M1AP: variants seen among roughly 807,000 people sequenced by gnomAD.
M1AP encodes meiosis 1 arrest protein.
M1AP carries 39 observed loss-of-function variants against 51.2 expected under a neutral mutation model. The ratio of observed to expected loss-of-function variants is 0.76; its 90% CI spans 0.59 to 1.00. The LOEUF is 1.00. M1AP is among the 50% of genes least tolerant of loss of function. M1AP has a pLI of 0.00. For missense variants in M1AP, 545 were observed against 641.2 expected, an observed-to-expected ratio of 0.85 and a Z score of 1.62; for synonymous variants, 251 against 249.2, an observed-to-expected ratio of 1.01 and a Z score of -0.07.
At chr2:74,562,023 A>T (rs1417306274) in intron 8 of M1AP, 194 bp downstream of exon 8, 1 of 984,634 alleles carries the variant, frequency 1.0e-6, no homozygotes, top group Non-Finnish European at 1.2e-6. Flanking sequence ...TTCACTCCTT[A>T]CCCTGCTGCC....
At chr2:74,637,269 G>C (rs1683040112) in intron 2 of M1AP, among the ~76,000 whole-genome samples, 1 of 152,028 alleles carries the variant, frequency 6.6e-6, no homozygotes, top group African/African-American at 2.4e-5. Flanking sequence ...AGAAATTGTA[G>C]TTTTCCTCTC....
rs112233517 is a variant in M1AP, at chr2:74,637,192, G to C, written c.240+2844C>G. On this transcript the variant is annotated intron_variant, in intron 2 of 10. Transcript: ENST00000421985. The stretch of plus-strand genomic sequence containing the variant: ...ATAGTTTCTATTCCTATGTCTTCAT[G>C]CTCACTAATCTTTTCTTTTGTAATG... Among the ~76,000 whole-genome samples, 359 of 152,158 alleles carry C rather than the reference G, an allele frequency of 2.4e-3. 1 individual carries two copies. The highest frequency in any genetic ancestry group is 8.5e-3 in the African/African-American group (351 of 41,518).
intron 1 of M1AP, among the ~76,000 whole-genome samples, chr2:74,644,452 C>T (rs1051349970): frequency 1.3e-5 from 2 of 151,634 alleles, no homozygotes; most frequent in African/African-American, 2.4e-5. Flanking sequence ...GCAGGAGAAT[C>T]GCTGGAACCC....
At chr2:74,574,698 C>T (rs1678947492) in intron 7 of M1AP, among the ~76,000 whole-genome samples, 1 of 152,150 alleles carries the variant, frequency 6.6e-6, no homozygotes, top group Non-Finnish European at 1.5e-5. Context: ...ATGATTTGAC[C>T]CCTGCTCACC....
intron 7 of M1AP, among the ~76,000 whole-genome samples, chr2:74,574,149 G>A (rs1573078378): frequency 6.6e-6 from 1 of 152,364 alleles, no homozygotes; most frequent in South Asian, 2.1e-4. Flanking sequence ...ATGCATTGCT[G>A]TGCTGTCCTG....
chr2:74,581,907 T>A, intron 4 of M1AP, 60 bp from the exon 5 acceptor site: 1 of 1,479,362 alleles, frequency 6.8e-7, no homozygotes, highest in Non-Finnish European at 9.3e-7. Context: ...TAATATAAAA[T>A]TTTGAACACA....
chr2:74,619,454 T>C lies in M1AP; in HGVS notation c.241-4305A>G, dbSNP rs148948237. The C allele has an allele frequency of 1.8e-3, 274 of 154,404 alleles. 1 individual carries two copies. The highest frequency in any genetic ancestry group is 0.015 in the South Asian group (74 of 4,920). 9.6% of individuals were successfully genotyped at this position (154,404 alleles called of 1,614,324 possible). A position where few individuals can be genotyped will look rare whatever the true frequency, so the allele number is the denominator to read the frequency against. On this transcript the variant is annotated intron_variant, in intron 2 of 10. Coordinates refer to ENST00000421985, the MANE Select transcript of M1AP (RefSeq NM_001321739.2). ...ATGCTCTGAGGGAGCAGAAGCACTA[T>C]GCTGCTCTTCATGCTCTAAAAGACT...
chr2:74,560,132 G>T lies in M1AP; in HGVS notation c.1422+19C>A. On this transcript the variant is annotated intron_variant, in intron 9 of 10. Transcript: ENST00000421985. ...AGGGAGGGGAAGTAAGGAAGAGGAG[G>T]GAAGGAGGGGAGCGGTACCTTTCTC... 1 of 1,612,642 alleles carries T rather than the reference G, an allele frequency of 6.2e-7. No individual in the cohort carries two copies. Among genetic ancestry groups the T allele is most frequent in the Non-Finnish European group, 8.5e-7 (1 of 1,179,758 alleles).
At chr2:74,570,628 G>A (rs1678676542) in intron 7 of M1AP, among the ~76,000 whole-genome samples, 1 of 152,244 alleles carries the variant, frequency 6.6e-6, no homozygotes, top group Non-Finnish European at 1.5e-5. Flanking sequence ...TTTCAGGATA[G>A]GGTAGGATTT....
chr2:74,589,073 C>A (rs777383139), intron 4 of M1AP, among the ~76,000 whole-genome samples: 1 of 152,124 alleles, frequency 6.6e-6, no homozygotes, highest in East Asian at 1.9e-4. Flanking sequence ...TGCACGCGCG[C>A]GCGTGCATGC....
At chr2:74,562,574 TG>T (rs1281833637) in intron 7 of M1AP, 151 bp from the exon 8 acceptor site, 2 of 701,610 alleles carry the variant, frequency 2.9e-6, no homozygotes, top group Non-Finnish European at 4.8e-6. Context: ...ACTTCCTGCA[TG>T]AATCATCAAT....
chr2:74,641,985 A>G (rs1030889978), intron 1 of M1AP, among the ~76,000 whole-genome samples: 3 of 151,732 alleles, frequency 2.0e-5, no homozygotes, highest in Non-Finnish European at 4.4e-5. Flanking sequence ...AGCTGGGATT[A>G]CAGGCATGTG....
At chr2:74,606,819 T>C (rs139842018) in intron 4 of M1AP, among the ~76,000 whole-genome samples, 36 of 152,228 alleles carry the variant, frequency 2.4e-4, no homozygotes, top group African/African-American at 7.5e-4. Context: ...TCTTTTATCA[T>C]TTAAGAACAC....
chr2:74,622,525 G>A (rs924255224), intron 2 of M1AP, among the ~76,000 whole-genome samples: 4 of 150,020 alleles, frequency 2.7e-5, no homozygotes, highest in South Asian at 4.2e-4. Flanking sequence ...GTGAGCCACC[G>A]CGCCCGGCCA....
intron 4 of M1AP, among the ~76,000 whole-genome samples, chr2:74,588,772 A>G: frequency 6.6e-6 from 1 of 152,238 alleles, no homozygotes; most frequent in East Asian, 1.9e-4. Context: ...AAACATCACC[A>G]TAACTGTAAT....
chr2:74,559,697 C>T lies in M1AP; in HGVS notation c.1434+1G>A. ...TCATCTGTAAATGAGCAAACACTTACCTTGCAGGGATGCTGTGAGGATTAA... is the reference window on the plus strand; with the variant it reads ...TCATCTGTAAATGAGCAAACACTTATCTTGCAGGGATGCTGTGAGGATTAA... On this transcript the variant is annotated splice_donor_variant, in intron 10 of 10. Coordinates refer to ENST00000421985, the MANE Select transcript of M1AP (RefSeq NM_001321739.2). LOFTEE classifies it high-confidence loss of function. 1 of 718,508 alleles carries T rather than the reference C, an allele frequency of 1.4e-6. No homozygotes were observed. The highest frequency in any genetic ancestry group is 2.6e-6 in the Non-Finnish European group (1 of 385,050). 44.5% of individuals were successfully genotyped at this position (718,508 alleles called of 1,614,324 possible).
intron 2 of M1AP, among the ~76,000 whole-genome samples, chr2:74,629,099 A>G (rs1300018387): frequency 2.0e-5 from 3 of 152,248 alleles, no homozygotes; most frequent in Non-Finnish European, 4.4e-5. Flanking sequence ...GTTTTATTAG[A>G]GTTTTTACAA....
intron 4 of M1AP, among the ~76,000 whole-genome samples, chr2:74,595,115 A>C (rs771689750): frequency 6.6e-6 from 1 of 152,140 alleles, no homozygotes; most frequent in Non-Finnish European, 1.5e-5. Flanking sequence ...GAACAACATC[A>C]AGCAATCCTC....
chr2:74,589,418 T>C (rs1679910753), intron 4 of M1AP, among the ~76,000 whole-genome samples: 1 of 152,244 alleles, frequency 6.6e-6, no homozygotes, highest in Admixed American at 6.5e-5. Flanking sequence ...CAATTTGGTA[T>C]TGCTCAGGAA....
Sources: gnomAD v4.1 joint callset for allele counts (sites outside exome capture counted in the v4.1 genomes callset) on GRCh38, gnomAD v4.1.1 for gene constraint, MANE v1.5 for transcripts, NCBI Gene and HGNC (gene_info 2026-07-23, HGNC 2026-07-21) for gene names.